Variants in PTPRD observed in about 807,000 individuals in gnomAD.
PTPRD encodes protein tyrosine phosphatase receptor type D, also known as receptor-type tyrosine-protein phosphatase delta.
In PTPRD, 34 loss-of-function variants were observed where a neutral mutation model predicts 214.5. The observed-to-expected ratio is 0.16, with a 90% CI of 0.12 to 0.21. The LOEUF is 0.21. Ranked by LOEUF, PTPRD falls within the 10% of genes least tolerant of loss-of-function variation. The pLI is 1.00. For missense variants in PTPRD, 2,545 were observed against 2,398.7 expected (o/e 1.06, Z -1.27); for synonymous variants, 1,128 against 845.7 (o/e 1.33, Z -5.79).
chr9:10,511,311 A>G (rs2047930385), intron 2 of PTPRD, among the ~76,000 whole-genome samples: 1 of 152,156 alleles, frequency 6.6e-6, no homozygotes, highest in Non-Finnish European at 1.5e-5. Context: ...GTCAGAAGAT[A>G]GGTGTATCTT....
intron 11 of PTPRD, among the ~76,000 whole-genome samples, chr9:8,848,958 A>C (rs1249409055): frequency 8.0e-6 from 1 of 125,712 alleles, no homozygotes; most frequent in African/African-American, 2.9e-5. Context: ...GCATATAATA[A>C]ATGCTCAGTA....
intron 27 of PTPRD, among the ~76,000 whole-genome samples, chr9:8,491,829 C>T (rs1167017537): frequency 6.6e-6 from 1 of 152,152 alleles, no homozygotes; most frequent in Non-Finnish European, 1.5e-5. Context: ...CTCAACATCA[C>T]AGCTGTTCTT....
chr9:9,187,138 A>C (rs1029823336), intron 9 of PTPRD, among the ~76,000 whole-genome samples: 5 of 152,024 alleles, frequency 3.3e-5, no homozygotes, highest in Non-Finnish European at 7.4e-5. Flanking sequence ...TTCTGCTGTT[A>C]ACCCTATTCT....
chr9:9,190,776 T>C (rs1370241488), intron 9 of PTPRD, among the ~76,000 whole-genome samples: 1 of 152,090 alleles, frequency 6.6e-6, no homozygotes, highest in Non-Finnish European at 1.5e-5. Flanking sequence ...GATAGATAAG[T>C]GGTGTGATTG....
intron 10 of PTPRD, among the ~76,000 whole-genome samples, chr9:9,052,786 G>A (rs566773026): frequency 6.6e-6 from 1 of 152,292 alleles, no homozygotes; most frequent in Admixed American, 6.5e-5. Flanking sequence ...AGCTGCATTA[G>A]GAATTTTATG....
chr9:10,421,525 G>A (rs1399731363), intron 2 of PTPRD, among the ~76,000 whole-genome samples: 1 of 151,778 alleles, frequency 6.6e-6, no homozygotes, highest in Non-Finnish European at 1.5e-5. Context: ...TACTGAGCCA[G>A]TTTAAGGAGA....
intron 8 of PTPRD, among the ~76,000 whole-genome samples, chr9:9,428,491 C>T (rs1220624899): frequency 6.6e-6 from 1 of 152,118 alleles, no homozygotes; most frequent in African/African-American, 2.4e-5. Flanking sequence ...TTAGACAGAT[C>T]AATGAGACAG....
chr9:10,357,239 C>T (rs186977525), intron 2 of PTPRD, among the ~76,000 whole-genome samples: 1 of 152,094 alleles, frequency 6.6e-6, no homozygotes, highest in Non-Finnish European at 1.5e-5. Context: ...GAGAACACTG[C>T]TTAAGGGTGT....
At chr9:9,421,291 AAAAAT>A (rs1250961615) in intron 8 of PTPRD, among the ~76,000 whole-genome samples, 2 of 151,794 alleles carry the variant, frequency 1.3e-5, no homozygotes, top group Admixed American at 6.6e-5. Flanking sequence ...GTGAAAAAAA[AAAAAT>A]TATACCAGTG....
chr9:8,448,446 T>A (rs1433258781), intron 34 of PTPRD, among the ~76,000 whole-genome samples: 2 of 152,168 alleles, frequency 1.3e-5, no homozygotes. Context: ...TACAGTAACT[T>A]AATTCATATC....
intron 7 of PTPRD, among the ~76,000 whole-genome samples, chr9:9,576,491 A>T (rs138116762): frequency 7.5e-6 from 1 of 132,578 alleles, no homozygotes; most frequent in Non-Finnish European, 1.7e-5. Flanking sequence ...CCTTATTGAC[A>T]TTTGTGAAAG....
rs1447434104 is a variant in PTPRD at position 8,948,533 on chromosome 9, A to ATATATATATT, written c.-104+70154_-104+70163dup. ...TATATATATATTTATATATATATTT[A>ATATATATATT]TATATATATTTATATATATTTATAT... On this transcript the variant is annotated intron_variant, in intron 11 of 45. Coordinates refer to ENST00000381196, the MANE Select transcript of PTPRD (RefSeq NM_002839.4). Among the ~76,000 whole-genome samples the ATATATATATT allele has an allele frequency of 8.1e-5, 3 of 37,042 alleles. 1 individual carries two copies. Among genetic ancestry groups the ATATATATATT allele is most frequent in the South Asian group, 2.8e-3 (2 of 714 alleles). 24.3% of individuals were successfully genotyped at this position (37,042 alleles called of 152,430 possible).
At chr9:9,063,672 C>T (rs1243534689) in intron 10 of PTPRD, among the ~76,000 whole-genome samples, 1 of 152,100 alleles carries the variant, frequency 6.6e-6, no homozygotes, top group East Asian at 1.9e-4. Context: ...AAACCAAATG[C>T]ATATCAAAAC....
chr9:9,758,394 CTGA>C (rs1156654166), intron 6 of PTPRD, among the ~76,000 whole-genome samples: 1 of 152,100 alleles, frequency 6.6e-6, no homozygotes, highest in Non-Finnish European at 1.5e-5. Flanking sequence ...GTGATGGTGG[CTGA>C]TGAGGGGTAG....
chr9:8,408,435 G>T (rs546936435), intron 35 of PTPRD, among the ~76,000 whole-genome samples: 29 of 152,136 alleles, frequency 1.9e-4, no homozygotes, highest in Admixed American at 1.2e-3. Context: ...TGCCTTCCCA[G>T]CACTCAATCT....
At chr9:8,697,852 A>C (rs1355510842) in intron 12 of PTPRD, among the ~76,000 whole-genome samples, 1 of 152,128 alleles carries the variant, frequency 6.6e-6, no homozygotes, top group Non-Finnish European at 1.5e-5. Flanking sequence ...TGAAGTTATC[A>C]AAACTTTCTA....
intron 35 of PTPRD, among the ~76,000 whole-genome samples, chr9:8,407,562 A>C (rs1388930541): frequency 1.3e-5 from 2 of 152,162 alleles, no homozygotes; most frequent in East Asian, 3.9e-4. Context: ...CAAAAGGAAG[A>C]AGCCCAACTT....
intron 8 of PTPRD, among the ~76,000 whole-genome samples, chr9:9,422,748 C>A (rs148662695): frequency 6.6e-6 from 1 of 152,032 alleles, no homozygotes; most frequent in Non-Finnish European, 1.5e-5. Flanking sequence ...GGATTGAGAT[C>A]CTGACGAGAG....
intron 11 of PTPRD, among the ~76,000 whole-genome samples, chr9:8,782,784 CAG>C (rs897861077): frequency 1.3e-5 from 2 of 151,836 alleles, no homozygotes; most frequent in African/African-American, 4.8e-5. Flanking sequence ...TTAGTAGAGA[CAG>C]GGTTTCACCA....
Sources: gnomAD v4.1 joint callset for allele counts (sites outside exome capture counted in the v4.1 genomes callset) on GRCh38, gnomAD v4.1.1 for gene constraint, MANE v1.5 for transcripts, NCBI Gene and HGNC (gene_info 2026-07-23, HGNC 2026-07-21) for gene names.